The following ANKRD17 variants were observed in gnomAD, a reference collection of about 807,000 sequenced individuals.
ANKRD17 encodes the protein ankyrin repeat domain 17.
In ANKRD17, 19 loss-of-function variants were observed where a neutral mutation model predicts 229.7. That is an observed-to-expected ratio of 0.08 (90% CI 0.06 to 0.12). ANKRD17 has a LOEUF of 0.12. ANKRD17 is among the 10% of genes least tolerant of loss of function. ANKRD17 has a pLI of 1.00. For synonymous variants in ANKRD17, 1,112 were observed against 1,146.1 expected, an observed-to-expected ratio of 0.97 and a Z score of 0.60; for missense variants, 2,176 against 3,176.8, an observed-to-expected ratio of 0.68 and a Z score of 7.57.
At position 73,144,835 on chromosome 4, in the gene ANKRD17, GT is replaced by G; in HGVS notation, c.1870-4del. On this transcript the variant is annotated splice_region_variant and splice_polypyrimidine_tract_variant and intron_variant, in intron 10 of 33. Coordinates refer to ENST00000358602, the MANE Select transcript of ANKRD17 (RefSeq NM_032217.5). ...CTTCCACCTTCAGATTCATGTTCCTGTTTAAAAAAAAAAAAAAAGACTTGAC... is the reference window on the plus strand; with the variant it reads ...CTTCCACCTTCAGATTCATGTTCCTGTTAAAAAAAAAAAAAAAGACTTGAC... The G allele has an allele frequency of 9.7e-6, 14 of 1,449,728 alleles. No individual in the cohort carries two copies. Among genetic ancestry groups the G allele is most frequent in the Admixed American group, 2.2e-5 (1 of 45,220 alleles). The allele number at this position is 1,449,728 out of a possible 1,614,324, so 89.8% of individuals were successfully genotyped here.
chr4:73,115,878 G>A lies in ANKRD17; in HGVS notation c.4227C>T (p.Val1409=), dbSNP rs769483460. 1.9e-6 allele frequency: 3 copies of A among 1,613,602 alleles called. No homozygotes were observed. In the Admixed American group the frequency reaches 5.0e-5, roughly 27 times the overall value. The change falls in exon 23 of 34, where the codon GTC becomes GTT. Residue 1409 remains valine (V), a synonymous_variant. Transcript: ENST00000358602. ...VKVVRYLVKE[V]NQFPSDSECM... is the part of the protein sequence containing the mutation. ...ATTCAGAATCTGATGGAAACTGATT[G>A]ACTTCTTTGACTAAGTAGCGCACCA...
chr4:73,083,261 A>G (rs1049850623), intron 30 of ANKRD17, among the ~76,000 whole-genome samples: 7 of 152,234 alleles, frequency 4.6e-5, no homozygotes, highest in African/African-American at 1.4e-4. Context: ...TTTTGGAATA[A>G]TTGAAGATAT....
chr4:73,221,018 G>A (rs1741779053), intron 1 of ANKRD17, among the ~76,000 whole-genome samples: 1 of 152,086 alleles, frequency 6.6e-6, no homozygotes, highest in Admixed American at 6.6e-5. Context: ...TGCAAAGTTA[G>A]CAAATTTATT....
intron 24 of ANKRD17, among the ~76,000 whole-genome samples, chr4:73,111,085 A>T (rs1480869284): frequency 2.0e-5 from 3 of 152,214 alleles, no homozygotes; most frequent in Non-Finnish European, 2.9e-5. Context: ...CCCCTTATCC[A>T]TGATGAGTAA....
chr4:73,229,452 T>C (rs1742832105), intron 1 of ANKRD17, among the ~76,000 whole-genome samples: 1 of 152,164 alleles, frequency 6.6e-6, no homozygotes, highest in African/African-American at 2.4e-5. Flanking sequence ...TTAAATCATG[T>C]ATCCAGATTT....
intron 27 of ANKRD17, among the ~76,000 whole-genome samples, chr4:73,096,071 A>G (rs1723267461): frequency 6.6e-6 from 1 of 152,220 alleles, no homozygotes; most frequent in South Asian, 2.1e-4. Flanking sequence ...GCAGTCAAGT[A>G]TAGTTCAATA....
chr4:73,242,831 G>A (rs1744166375), intron 1 of ANKRD17, among the ~76,000 whole-genome samples: 1 of 152,122 alleles, frequency 6.6e-6, no homozygotes, highest in Non-Finnish European at 1.5e-5. Flanking sequence ...TTTCCACGTA[G>A]TAAGAAACAG....
chr4:73,177,615 AG>A (rs1734905885), intron 1 of ANKRD17, 82 bp from the exon 2 acceptor site: 2 of 1,090,352 alleles, frequency 1.8e-6, no homozygotes, highest in East Asian at 4.9e-5. Context: ...AAAAGAAAGC[AG>A]GGGAGGGAAA....
chr4:73,137,485 T>C (rs530335260), intron 15 of ANKRD17, among the ~76,000 whole-genome samples: 2 of 152,274 alleles, frequency 1.3e-5, no homozygotes, highest in African/African-American at 2.4e-5. Flanking sequence ...AATGAGGCTG[T>C]AATATACTTT....
intron 11 of ANKRD17, 96 bp from the exon 12 acceptor site, chr4:73,142,863 T>C: frequency 7.3e-7 from 1 of 1,361,868 alleles, no homozygotes. Context: ...GAAAATAGTA[T>C]TATGAGGCTC....
chr4:73,134,983 A>G, intron 16 of ANKRD17, 134 bp downstream of exon 16: 3 of 823,838 alleles, frequency 3.6e-6, no homozygotes, highest in Non-Finnish European at 5.3e-6. Flanking sequence ...GTGAACTTTA[A>G]TTAATTTAAA....
intron 1 of ANKRD17, among the ~76,000 whole-genome samples, chr4:73,228,133 C>T (rs1742688575): frequency 6.6e-6 from 1 of 152,032 alleles, no homozygotes; most frequent in Non-Finnish European, 1.5e-5. Flanking sequence ...CTCTTTTCTA[C>T]TGTGTAAATT....
At chr4:73,170,733 T>TCGCCA (rs1224481525) in intron 2 of ANKRD17, among the ~76,000 whole-genome samples, 1 of 152,128 alleles carries the variant, frequency 6.6e-6, no homozygotes, top group Non-Finnish European at 1.5e-5. Context: ...GGCGGTAGCC[T>TCGCCA]GGCAGTACTC....
chr4:73,224,593 A>G (rs1742268042), intron 1 of ANKRD17, among the ~76,000 whole-genome samples: 1 of 152,224 alleles, frequency 6.6e-6, no homozygotes, highest in African/African-American at 2.4e-5. Flanking sequence ...CATATTATTT[A>G]TCCTCATAAC....
At chr4:73,077,307 T>C in intron 32 of ANKRD17, 48 bp downstream of exon 32, 1 of 1,530,034 alleles carries the variant, frequency 6.5e-7, no homozygotes, top group Non-Finnish European at 8.8e-7. Context: ...CAAAACATTT[T>C]CTCAGAAAAT....
intron 1 of ANKRD17, among the ~76,000 whole-genome samples, chr4:73,222,245 A>T (rs1305034438): frequency 6.6e-6 from 1 of 152,182 alleles, no homozygotes; most frequent in Non-Finnish European, 1.5e-5. Context: ...ATTCAATGCC[A>T]AAAGCAATTA....
intron 1 of ANKRD17, among the ~76,000 whole-genome samples, chr4:73,201,817 G>C (rs1204471849): frequency 6.6e-6 from 1 of 151,970 alleles, no homozygotes; most frequent in East Asian, 1.9e-4. Context: ...CAATTTTCAG[G>C]CTTTCTCACT....
chr4:73,107,319 T>C (rs1445252353), intron 24 of ANKRD17, among the ~76,000 whole-genome samples: 2 of 152,202 alleles, frequency 1.3e-5, no homozygotes, highest in African/African-American at 2.4e-5. Context: ...ATCAAGAAGT[T>C]TCAAAGGAAG....
chr4:73,250,927 T>A, intron 1 of ANKRD17, among the ~76,000 whole-genome samples: 1 of 152,088 alleles, frequency 6.6e-6, no homozygotes. Context: ...TTACATTTCC[T>A]TCTCCCCACT....
Sources: gnomAD v4.1 joint callset for allele counts (sites outside exome capture counted in the v4.1 genomes callset) on GRCh38, gnomAD v4.1.1 for gene constraint, MANE v1.5 for transcripts, NCBI Gene and HGNC (gene_info 2026-07-23, HGNC 2026-07-21) for gene names.